RARB: variants seen among roughly 807,000 people sequenced by gnomAD.
RARB encodes the protein retinoic acid receptor beta.
Under a neutral mutation model 51.9 loss-of-function variants are expected in RARB, and 17 were observed. That is an observed-to-expected ratio of 0.33 (90% confidence interval 0.22 to 0.49). RARB has a LOEUF of 0.49. RARB is among the 20% of genes least tolerant of loss of function. The pLI is 0.99. For synonymous variants in RARB, 215 were observed against 195.4 expected (o/e 1.10, Z -0.84); for missense variants, 369 against 550.8 (o/e 0.67, Z 3.30).
Position 25,596,684 on chromosome 3 carries a change from A to G in RARB, c.*68A>G. 7.4e-7 allele frequency: 1 copy of G among 1,354,660 alleles called. No homozygotes were observed. The highest frequency in any genetic ancestry group is 1.5e-5 in the South Asian group (1 of 68,682). The allele number at this position is 1,354,660 out of a possible 1,614,324, so 83.9% of individuals were successfully genotyped here. On this transcript the variant is annotated 3_prime_UTR_variant, in exon 8 of 8. Coordinates refer to ENST00000330688, the MANE Select transcript of RARB (RefSeq NM_000965.5). Reference sequence around the variant, plus strand: ...TCCAGGATTTAAAATGCAAGAAAAAACATTTTTACTGCTGCTTAGTTTTTG... The same window carrying G: ...TCCAGGATTTAAAATGCAAGAAAAAGCATTTTTACTGCTGCTTAGTTTTTG...
chr3:24,954,134 C>T (rs569733603), intron 2 of RARB, among the ~76,000 whole-genome samples: 5 of 152,158 alleles, frequency 3.3e-5, no homozygotes, highest in Admixed American at 3.3e-4. Flanking sequence ...TTTATGGGTA[C>T]CTCTGGGAAT....
chr3:25,320,953 A>C (rs1371861520), intron 5 of RARB, among the ~76,000 whole-genome samples: 1 of 152,224 alleles, frequency 6.6e-6, no homozygotes, highest in Non-Finnish European at 1.5e-5. Flanking sequence ...TATCCACCCA[A>C]CATTGATATT....
intron 2 of RARB, among the ~76,000 whole-genome samples, chr3:25,476,827 A>G (rs1177583531): frequency 6.6e-6 from 1 of 152,182 alleles, no homozygotes; most frequent in East Asian, 1.9e-4. Context: ...ACTGATTACT[A>G]TTTGAAACTC....
chr3:25,143,285 A>T (rs1466295327), intron 4 of RARB, among the ~76,000 whole-genome samples: 1 of 152,182 alleles, frequency 6.6e-6, no homozygotes, highest in Non-Finnish European at 1.5e-5. Context: ...ACAGTGTAGG[A>T]TGAAGAGGGA....
chr3:25,483,175 G>T (rs140980847), intron 2 of RARB, among the ~76,000 whole-genome samples: 1 of 152,172 alleles, frequency 6.6e-6, no homozygotes. Context: ...GACATGGAGC[G>T]AGAGGCAGAA....
chr3:25,215,464 T>A (rs1701810285), intron 5 of RARB, among the ~76,000 whole-genome samples: 1 of 152,062 alleles, frequency 6.6e-6, no homozygotes, highest in South Asian at 2.1e-4. Context: ...ACCATTCACA[T>A]AGTTGTGAAT....
chr3:25,069,119 T>A (rs1157442244), intron 3 of RARB, among the ~76,000 whole-genome samples: 1 of 151,832 alleles, frequency 6.6e-6, no homozygotes, highest in Non-Finnish European at 1.5e-5. Context: ...ATCTTTTCTC[T>A]GATAGCTATG....
intron 2 of RARB, among the ~76,000 whole-genome samples, chr3:24,864,839 G>A (rs997252513): frequency 6.6e-6 from 1 of 152,160 alleles, no homozygotes; most frequent in Non-Finnish European, 1.5e-5. Flanking sequence ...GCATTTGGAA[G>A]GTGTGTGAAA....
chr3:25,207,807 C>T (rs1701588139), intron 5 of RARB, among the ~76,000 whole-genome samples: 1 of 152,184 alleles, frequency 6.6e-6, no homozygotes. Context: ...GTGTGTTAGG[C>T]TGTTCTTGAG....
chr3:25,205,147 T>G (rs994856005), intron 5 of RARB, among the ~76,000 whole-genome samples: 15 of 152,252 alleles, frequency 9.9e-5, no homozygotes, highest in Non-Finnish European at 2.1e-4. Context: ...CCCCAGCCTC[T>G]CTGCCACCTT....
chr3:25,197,929 T>G (rs1559501589), intron 5 of RARB, among the ~76,000 whole-genome samples: 1 of 151,530 alleles, frequency 6.6e-6, no homozygotes, highest in Admixed American at 6.6e-5. Context: ...ATAGAAAAAA[T>G]AATCCTAAAA....
Position 25,264,755 on chromosome 3 carries a change from C to G in RARB, c.178+90180C>G, listed in dbSNP as rs981100873. On this transcript the variant is annotated intron_variant, in intron 5 of 11. Coordinates refer to the RARB transcript ENST00000383772. Reference sequence around the variant, plus strand: ...ACTTTTCAGATGGTTTTTCCTTCTGCATGGGTGTATACACACTTTTCTCCT... The same window carrying G: ...ACTTTTCAGATGGTTTTTCCTTCTGGATGGGTGTATACACACTTTTCTCCT... Among the ~76,000 whole-genome samples, 4 of 152,222 alleles carry G rather than the reference C, an allele frequency of 2.6e-5. No individual in the cohort carries two copies. In the South Asian group the frequency reaches 8.3e-4, roughly 32 times the overall value.
intron 2 of RARB, among the ~76,000 whole-genome samples, chr3:24,996,611 A>T (rs1215481611): frequency 6.6e-6 from 1 of 152,126 alleles, no homozygotes; most frequent in Non-Finnish European, 1.5e-5. Flanking sequence ...GCCTCTTAAT[A>T]TAGCTTTTGC....
intron 5 of RARB, among the ~76,000 whole-genome samples, chr3:25,201,114 C>T (rs1023198487): frequency 1.3e-5 from 2 of 150,550 alleles, no homozygotes; most frequent in African/African-American, 2.4e-5. Flanking sequence ...CTTGAACAGT[C>T]GTTTGTAGTT....
chr3:24,931,033 C>T (rs1490843737), intron 2 of RARB, among the ~76,000 whole-genome samples: 3 of 151,946 alleles, frequency 2.0e-5, no homozygotes, highest in Non-Finnish European at 4.4e-5. Context: ...AAAGAGGAAA[C>T]TTAAACACTA....
chr3:25,190,845 C>A (rs1405125421), intron 5 of RARB, among the ~76,000 whole-genome samples: 1 of 152,018 alleles, frequency 6.6e-6, no homozygotes, highest in Admixed American at 6.6e-5. Context: ...TCACTTGGGA[C>A]TTGGAGTTTT....
intron 2 of RARB, among the ~76,000 whole-genome samples, chr3:24,879,940 C>T (rs1490415022): frequency 1.4e-5 from 2 of 146,830 alleles, no homozygotes; most frequent in Admixed American, 6.7e-5. Context: ...TTGCAAAGTT[C>T]TTGAGTTTTG....
At chr3:25,383,978 A>G (rs1173507893) in intron 5 of RARB, among the ~76,000 whole-genome samples, 1 of 152,176 alleles carries the variant, frequency 6.6e-6, no homozygotes, top group Non-Finnish European at 1.5e-5. Flanking sequence ...AGCAACATGT[A>G]CATAGGTATT....
chr3:25,002,149 A>T (rs1052165278), intron 2 of RARB, among the ~76,000 whole-genome samples: 10 of 152,114 alleles, frequency 6.6e-5, no homozygotes, highest in African/African-American at 2.4e-4. Context: ...AAAATGTAAA[A>T]TCTGCTTCAA....
Sources: gnomAD v4.1 joint callset for allele counts (sites outside exome capture counted in the v4.1 genomes callset) on GRCh38, gnomAD v4.1.1 for gene constraint, MANE v1.5 for transcripts, NCBI Gene and HGNC (gene_info 2026-07-23, HGNC 2026-07-21) for gene names.